The following XRN1 variants were observed in gnomAD, a reference collection of about 807,000 sequenced individuals.
The protein encoded by XRN1 is 5'-3' exoribonuclease 1, also known as strand-exchange protein 1 homolog.
XRN1 carries 67 observed loss-of-function variants against 222.3 expected under a neutral mutation model. The ratio of observed to expected loss-of-function variants is 0.30; its 90% CI spans 0.25 to 0.37. The LOEUF (loss-of-function observed/expected upper bound fraction) is 0.37, where lower values mean the gene tolerates loss of function less well. Ranked by LOEUF, XRN1 falls within the 10% of genes least tolerant of loss-of-function variation. The pLI, the probability that XRN1 is intolerant of heterozygous loss-of-function variation, is 1.00. For missense variants in XRN1, 1,707 were observed against 2,000.2 expected (o/e 0.85, Z 2.80); for synonymous variants, 643 against 652.4 (o/e 0.99, Z 0.22).
At position 142,329,583 on chromosome 3, in the gene XRN1, C is replaced by T. The variant is rs1174121896; in HGVS notation, c.4255G>A (p.Glu1419Lys). 5.8e-6 allele frequency: 9 copies of T among 1,558,232 alleles called. No individual in the cohort carries two copies. Among genetic ancestry groups the T allele is most frequent in the Non-Finnish European group, 7.8e-6 (9 of 1,159,614 alleles). Residue 1419 changes from glutamate (E) to lysine (K), a missense_variant, in exon 37 of 41, where the codon GAG (glutamate) becomes AAG (lysine). Around this residue, in one of 2 missense-constraint regions of XRN1, gnomAD observed 473 missense variants for 482.0 expected, o/e 0.98. Coordinates refer to ENST00000392981, the MANE Select transcript of XRN1 (RefSeq NM_001282857.2). ...SYMNKPHSAN[E>K]YHNVQSMDNM... The stretch of plus-strand genomic sequence containing the variant: ...TCCATAGACTGAACATTATGGTACT[C>T]ATTAGCACTGTGAGGCTTGTTCATA...
intron 33 of XRN1, among the ~76,000 whole-genome samples, chr3:142,342,976 T>C (rs1416329535): frequency 6.6e-6 from 1 of 151,806 alleles, no homozygotes; most frequent in Non-Finnish European, 1.5e-5. Context: ...ATCAACAACA[T>C]GAAGAGACAA....
chr3:142,446,000 G>A (rs567726868), intron 1 of XRN1, among the ~76,000 whole-genome samples: 77 of 152,326 alleles, frequency 5.1e-4, no homozygotes, highest in African/African-American at 1.8e-3. Flanking sequence ...AATATCAACG[G>A]TGTCTAGAGA....
intron 15 of XRN1, among the ~76,000 whole-genome samples, chr3:142,409,467 A>G (rs1182223667): frequency 6.6e-6 from 1 of 152,204 alleles, no homozygotes; most frequent in Admixed American, 6.5e-5. Context: ...TTAATTGAAG[A>G]TGAATTAACT....
At chr3:142,432,532 T>C (rs2069674761) in intron 2 of XRN1, 129 bp downstream of exon 2, 1 of 864,742 alleles carries the variant, frequency 1.2e-6, no homozygotes, top group Admixed American at 3.0e-5. Flanking sequence ...CACTGAGATA[T>C]TTCCATTTCT....
intron 1 of XRN1, among the ~76,000 whole-genome samples, chr3:142,437,332 C>A (rs185568141): frequency 5.3e-5 from 8 of 152,278 alleles, no homozygotes; most frequent in Admixed American, 3.3e-4. Flanking sequence ...CTTAGGTAAT[C>A]TCATCCTTTT....
Position 142,310,714 on chromosome 3 carries a change from T to G in XRN1, c.*797A>C, listed in dbSNP as rs2065056405. 1 of 152,644 alleles carries G rather than the reference T, an allele frequency of 6.6e-6. No homozygotes were observed. Among genetic ancestry groups the G allele is most frequent in the South Asian group, 2.1e-4 (1 of 4,838 alleles). The allele number at this position is 152,644 out of a possible 1,614,324, so 9.5% of individuals were successfully genotyped here. On this transcript the variant is annotated 3_prime_UTR_variant, in exon 41 of 41. Coordinates refer to ENST00000392981, the MANE Select transcript of XRN1 (RefSeq NM_001282857.2). ...AACATGACTAATATTTCATATTTTA[T>G]TTTGTTAGAAGATTAATTTGTAATC...
rs1324289964 is a variant in XRN1 at position 142,423,622 on chromosome 3, A to G, written c.648T>C (p.Ser216=). The change falls in exon 6 of 41, where the codon AGT becomes AGC. Residue 216 remains serine (S), a synonymous_variant. Coordinates refer to ENST00000392981, the MANE Select transcript of XRN1 (RefSeq NM_001282857.2). Reference sequence around the variant, plus strand: ...TTAAGAGAGAAAAATGTGCCTCATGACTTGTTAATCCAAGCATAATCTGTT... The same window carrying G: ...TTAAGAGAGAAAAATGTGCCTCATGGCTTGTTAATCCAAGCATAATCTGTT... The part of the protein sequence containing the change: ...DADLIMLGLT[S]HEAHFSLLRE... 4 of 1,594,828 alleles carry G rather than the reference A, an allele frequency of 2.5e-6. No homozygotes were observed. Among genetic ancestry groups the G allele is most frequent in the Non-Finnish European group, 3.4e-6 (4 of 1,173,278 alleles).
chr3:142,323,900 A>G (rs2065435934), intron 37 of XRN1, among the ~76,000 whole-genome samples: 1 of 152,064 alleles, frequency 6.6e-6, no homozygotes, highest in African/African-American at 2.4e-5. Context: ...TGAATACATA[A>G]TAATTATAAC....
intron 33 of XRN1, among the ~76,000 whole-genome samples, chr3:142,345,919 T>C (rs369251569): frequency 4.6e-5 from 7 of 152,208 alleles, no homozygotes; most frequent in African/African-American, 1.7e-4. Context: ...AAATTGGACC[T>C]TCACACATCC....
chr3:142,417,016 GAAAAAAAA>G (rs11291353), intron 13 of XRN1, 116 bp downstream of exon 13: 24 of 308,984 alleles, frequency 7.8e-5, no homozygotes, highest in African/African-American at 6.1e-4. Flanking sequence ...GCAACAGAGT[GAAAAAAAA>G]AAAAAAAAAA....
At chr3:142,355,523 G>T in intron 31 of XRN1, 27 bp from the exon 32 acceptor site, 1 of 1,358,714 alleles carries the variant, frequency 7.4e-7, no homozygotes, top group Non-Finnish European at 1.0e-6. Context: ...AATTTCTTGA[G>T]AAAATGAAAT....
At position 142,355,482 on chromosome 3, in the gene XRN1, A is replaced by G. The variant is rs759006132; in HGVS notation, c.3687T>C (p.Asp1229=). Residue 1229 remains aspartate (D), a synonymous_variant, in exon 32 of 41, where the codon GAT becomes GAC. Transcript: ENST00000392981. ...LFVPTQVPTK[D]DDEFCNIWQS... The stretch of plus-strand genomic sequence containing the variant: ...GCCAAATGTTGCAGAATTCATCATC[A>G]TCTTTAGTAGGTACCTAGCAAAGTA... 1 of 1,595,466 alleles carries G rather than the reference A, an allele frequency of 6.3e-7. No homozygotes were observed. The highest frequency in any genetic ancestry group is 8.6e-7 in the Non-Finnish European group (1 of 1,169,252).
chr3:142,417,368 T>C, intron 12 of XRN1, 139 bp from the exon 13 acceptor site: 1 of 683,696 alleles, frequency 1.5e-6, no homozygotes, highest in Non-Finnish European at 2.4e-6. Context: ...CTAAAAATTA[T>C]AATCCTAAAA....
chr3:142,326,634 T>C (rs192379010), intron 37 of XRN1, among the ~76,000 whole-genome samples: 1 of 152,270 alleles, frequency 6.6e-6, no homozygotes, highest in East Asian at 1.9e-4. Flanking sequence ...ATTTCTGTTG[T>C]CTAATTGCTC....
chr3:142,414,548 T>C (rs1223132319), intron 13 of XRN1, among the ~76,000 whole-genome samples: 1 of 151,418 alleles, frequency 6.6e-6, no homozygotes, highest in Non-Finnish European at 1.5e-5. Flanking sequence ...CAGGCTGGAG[T>C]GCAGTGGCGC....
At chr3:142,426,515 T>C in intron 3 of XRN1, 1 of 453,826 alleles carries the variant, frequency 2.2e-6, no homozygotes, top group East Asian at 3.7e-5. Flanking sequence ...GGGAGATTCC[T>C]GTCCATATCT....
At chr3:142,415,331 CA>C (rs144936540) in intron 13 of XRN1, among the ~76,000 whole-genome samples, 12,004 of 151,360 alleles carry the variant, frequency 0.079, 1,591 homozygotes, top group African/African-American at 0.27. Flanking sequence ...GCGTACATTT[CA>C]AAAAAAATGG....
At chr3:142,357,378 G>A (rs564319520) in intron 30 of XRN1, among the ~76,000 whole-genome samples, 30 of 152,112 alleles carry the variant, frequency 2.0e-4, no homozygotes, top group Middle Eastern at 6.8e-3. Context: ...TCGATTTGTC[G>A]TTAAGAAGCT....
chr3:142,376,648 T>C (rs1422063545), intron 23 of XRN1, 54 bp from the exon 24 acceptor site: 4 of 1,271,120 alleles, frequency 3.1e-6, no homozygotes, highest in Admixed American at 4.0e-5. Flanking sequence ...TTACATTAAA[T>C]GTTATTTCTT....
Sources: gnomAD v4.1 joint callset for allele counts (sites outside exome capture counted in the v4.1 genomes callset) on GRCh38, gnomAD v4.1.1 for gene constraint, gnomAD v4.1.1 regional missense constraint, MANE v1.5 for transcripts, NCBI Gene and HGNC (gene_info 2026-07-23, HGNC 2026-07-21) for gene names.